Variants in CERS4 observed in about 807,000 individuals in gnomAD.
CERS4 encodes the protein LAG1 homolog, ceramide synthase 4.
CERS4 carries 65 observed loss-of-function variants against 51.8 expected under a neutral mutation model. The ratio of observed to expected loss-of-function variants is 1.26; its 90% confidence interval spans 1.03 to 1.54. CERS4 has a LOEUF of 1.54. Among genes scored for constraint, CERS4 ranks in the 40% most tolerant of loss-of-function variants. CERS4 has a pLI of 0.00. For synonymous variants in CERS4, 228 were observed against 208.4 expected (o/e 1.09, Z -0.81); for missense variants, 563 against 500.4 (o/e 1.13, Z -1.19).
chr19:8,256,286 G>A lies in CERS4; in HGVS notation c.519G>A (p.Gln173=), dbSNP rs143202392. 483 of 1,613,638 alleles carry A rather than the reference G, an allele frequency of 3.0e-4. No individual in the cohort carries two copies. The African/African-American group carries it at 6.0e-3, about 20-fold the overall frequency. ...PVMCWDRYPN[Q]TLKPSLYWWY... ...TGTGCTGGGACAGGTACCCAAACCA[G>A]GTGAGTGGCAGAGTGTGTGTGAATG... The change falls in exon 7 of 12, where the codon CAG becomes CAA. Residue 173 remains glutamine, a splice_region_variant and synonymous_variant. Transcript: ENST00000251363.
At chr19:8,219,094 C>T (rs866607454) in intron 2 of CERS4, among the ~76,000 whole-genome samples, 9 of 152,226 alleles carry the variant, frequency 5.9e-5, no homozygotes, top group East Asian at 1.9e-4. Flanking sequence ...GTATTCCCAG[C>T]GACTTGGGAG....
At chr19:8,231,870 TTTTA>T (rs1371652293) in intron 2 of CERS4, among the ~76,000 whole-genome samples, 1 of 147,048 alleles carries the variant, frequency 6.8e-6, no homozygotes, top group African/African-American at 2.5e-5. Flanking sequence ...TTTTTTTTTT[TTTTA>T]GAGACAGTCT....
At chr19:8,253,433 A>C (rs570645035) in intron 3 of CERS4, among the ~76,000 whole-genome samples, 3 of 149,298 alleles carry the variant, frequency 2.0e-5, no homozygotes, top group South Asian at 4.3e-4. Context: ...CACCCTACAG[A>C]CAAAGGTCCA....
chr19:8,226,675 G>A (rs1052647677), intron 2 of CERS4, among the ~76,000 whole-genome samples: 2 of 152,124 alleles, frequency 1.3e-5, no homozygotes, highest in African/African-American at 2.4e-5. Context: ...GAAGGCCGAC[G>A]TGGGCAGATT....
chr19:8,219,999 A>AAT (rs5826997), intron 2 of CERS4, among the ~76,000 whole-genome samples: 39 of 148,724 alleles, frequency 2.6e-4, no homozygotes, highest in Non-Finnish European at 3.3e-4. Context: ...AAAAAAAAAA[A>AAT]TTTGTTAAGT....
In CERS4 at chr19:8,262,105, CAT is replaced by C. The variant is rs1181333198; in HGVS notation, c.1183_1184del (p.Ter395AlafsTer7). 1.7e-5 allele frequency: 25 copies of C among 1,478,720 alleles called. No homozygotes were observed. In the Admixed American group the frequency reaches 6.3e-4, roughly 37 times the overall value. 91.6% of individuals were successfully genotyped at this position (1,478,720 alleles called of 1,614,324 possible). ...CTGACCAACAGGCACACAACAGCCA[CAT>C]AGCCGGGCGGGGCTGGCTGTAAGGG... On this transcript the variant is annotated frameshift_variant and stop_lost, in exon 12 of 12. Coordinates refer to ENST00000251363, the MANE Select transcript of CERS4 (RefSeq NM_024552.3). LOFTEE classifies it high-confidence loss of function.
At chr19:8,235,601 G>A (rs1347826288) in intron 2 of CERS4, among the ~76,000 whole-genome samples, 1 of 151,690 alleles carries the variant, frequency 6.6e-6, no homozygotes, top group Non-Finnish European at 1.5e-5. Context: ...ACAACTTCTA[G>A]TTCAGGCTGG....
intron 2 of CERS4, among the ~76,000 whole-genome samples, chr19:8,220,947 G>A (rs950682571): frequency 6.6e-6 from 1 of 150,896 alleles, no homozygotes; most frequent in African/African-American, 2.4e-5. Flanking sequence ...TCAGCCTCCC[G>A]AGTAGCTGGG....
At chr19:8,242,156 G>C (rs1296322355) in intron 2 of CERS4, among the ~76,000 whole-genome samples, 1 of 152,164 alleles carries the variant, frequency 6.6e-6, no homozygotes, top group Non-Finnish European at 1.5e-5. Context: ...AGGCTCCCAG[G>C]GCTTTGAAGC....
Position 8,241,112 on chromosome 19 carries a change from C to A in CERS4, c.-1-9964C>A, listed in dbSNP as rs529424485. 2.5e-4 allele frequency among the ~76,000 whole-genome samples: 38 copies of A among 152,158 alleles called. 1 individual carries two copies. In the South Asian group the frequency reaches 7.1e-3, roughly 28 times the overall value. On this transcript the variant is annotated intron_variant, in intron 2 of 11. Transcript: ENST00000251363. ...CTGCTGTCGTCCAGCCCAGCCCAAA[C>A]ACTTCAGCTGCAGCTTTAAGGGAAG...
rs997556157 is a variant in CERS4, at chr19:8,262,327, T to A, written c.*218T>A. Reference sequence around the variant, plus strand: ...ACAGATCTGGGAGCCAGCAGCTGGATGCTGTGGCTGGCCAGAGACACCTCC... The same window carrying A: ...ACAGATCTGGGAGCCAGCAGCTGGAAGCTGTGGCTGGCCAGAGACACCTCC... On this transcript the variant is annotated 3_prime_UTR_variant, in exon 12 of 12. Transcript: ENST00000251363. 4.9e-5 allele frequency: 21 copies of A among 430,346 alleles called. No individual in the cohort carries two copies. The East Asian group carries it at 7.1e-4, about 14-fold the overall frequency. The allele number at this position is 430,346 out of a possible 1,614,324, so 26.7% of individuals were successfully genotyped here.
At chr19:8,237,104 C>T (rs531546608) in intron 2 of CERS4, among the ~76,000 whole-genome samples, 16 of 149,696 alleles carry the variant, frequency 1.1e-4, no homozygotes, top group Non-Finnish European at 1.9e-4. Flanking sequence ...TCACAGTTAT[C>T]TGCCCCAGGA....
At chr19:8,246,894 G>A (rs1270302132) in intron 2 of CERS4, among the ~76,000 whole-genome samples, 2 of 152,106 alleles carry the variant, frequency 1.3e-5, no homozygotes, top group East Asian at 1.9e-4. Flanking sequence ...GGCCGGGCGC[G>A]GTGGCTCATG....
chr19:8,246,578 T>G (rs539476524), intron 2 of CERS4, among the ~76,000 whole-genome samples: 1 of 152,010 alleles, frequency 6.6e-6, no homozygotes, highest in African/African-American at 2.4e-5. Context: ...TGCATTTCAC[T>G]TGGGTAAATT....
chr19:8,248,973 G>C (rs965654925), intron 2 of CERS4, among the ~76,000 whole-genome samples: 5 of 150,488 alleles, frequency 3.3e-5, no homozygotes. Flanking sequence ...CAGATGTTTT[G>C]ATGAATTAAC....
chr19:8,241,302 A>G (rs1398560564), intron 2 of CERS4: 1 of 152,170 alleles, frequency 6.6e-6, no homozygotes, highest in Non-Finnish European at 1.5e-5. Context: ...TAACTATCAC[A>G]GTCTAAGCTG....
intron 2 of CERS4, among the ~76,000 whole-genome samples, chr19:8,237,720 G>GGCA: frequency 6.6e-6 from 1 of 152,112 alleles, no homozygotes; most frequent in East Asian, 1.9e-4. Flanking sequence ...GCGTGGTGGT[G>GGCA]GGCGCCTGTA....
At chr19:8,260,736 G>C (rs973137262) in intron 10 of CERS4, among the ~76,000 whole-genome samples, 1 of 151,398 alleles carries the variant, frequency 6.6e-6, no homozygotes, top group Admixed American at 6.6e-5. Context: ...GATCACTTGA[G>C]GTCAGGAGTT....
intron 4 of CERS4, 60 bp from the exon 5 acceptor site, chr19:8,255,547 G>A (rs1682481892): frequency 3.4e-6 from 5 of 1,457,240 alleles, no homozygotes; most frequent in Non-Finnish European, 4.7e-6. Context: ...CCTGTCTGGG[G>A]ACATGGGGGA....
Sources: allele counts gnomAD v4.1 joint callset (sites outside exome capture counted in the v4.1 genomes callset), GRCh38; gene constraint gnomAD v4.1.1; transcripts MANE v1.5; gene names NCBI Gene and HGNC (gene_info 2026-07-23, HGNC 2026-07-21).